Variants in CFAP46 observed in about 807,000 individuals in gnomAD.
The protein encoded by CFAP46 is cilia and flagella associated protein 46, also known as cilia- and flagella-associated protein 46.
A neutral mutation model predicts 325.7 loss-of-function variants in CFAP46; 245 were observed. The observed-to-expected ratio is 0.75, with a 90% CI of 0.68 to 0.84. The LOEUF (loss-of-function observed/expected upper bound fraction) is 0.84, where lower values mean the gene tolerates loss of function less well. Among genes scored for constraint, CFAP46 ranks in the 40% least tolerant of loss-of-function variants. The probability of loss-of-function intolerance (pLI) is 0.00; values close to 1 mark genes in which losing one functional copy is unlikely to be tolerated. For missense variants in CFAP46, 3,346 were observed against 3,543.0 expected, an observed-to-expected ratio of 0.94 and a Z score of 1.41; for synonymous variants, 1,523 against 1,495.9, an observed-to-expected ratio of 1.02 and a Z score of -0.42.
rs1255166861 is a variant in CFAP46, at chr10:132,877,713, G to A, written c.4212+168C>T. On this transcript the variant is annotated intron_variant, in intron 30 of 57. Coordinates refer to ENST00000368586, the MANE Select transcript of CFAP46 (RefSeq NM_001200049.3). The surrounding 1 kb of genome is among the most constrained non-coding windows in gnomAD (Gnocchi z 5.7). ...AGCCTCTGCACTGAGGCCACCTGGG[G>A]CTCCTCCGAGAACCCTGACAGGCAG... is the stretch of plus-strand genomic sequence containing the variant. 6.6e-6 allele frequency among the ~76,000 whole-genome samples: 1 copy of A among 151,280 alleles called. No individual in the cohort carries two copies. The highest frequency in any genetic ancestry group is 2.1e-4 in the South Asian group (1 of 4,750).
intron 38 of CFAP46, 53 bp downstream of exon 38, chr10:132,859,018 T>C: frequency 1.3e-6 from 2 of 1,512,892 alleles, no homozygotes; most frequent in Non-Finnish European, 1.8e-6. Context: ...CTGGGCGTGT[T>C]GTGTGTAAGA....
chr10:132,809,775 G>A (rs570688336), intron 57 of CFAP46, among the ~76,000 whole-genome samples: 2 of 152,294 alleles, frequency 1.3e-5, no homozygotes, highest in Admixed American at 6.5e-5. Flanking sequence ...GTGGGGTTCC[G>A]TCTGTCCGTG....
At chr10:132,831,039 G>GT (rs1486141203) in intron 50 of CFAP46, among the ~76,000 whole-genome samples, 1 of 151,870 alleles carries the variant, frequency 6.6e-6, no homozygotes, top group Non-Finnish European at 1.5e-5. Context: ...TCTTTTATCC[G>GT]TGGGTATTTA....
rs1344439240 is a variant in CFAP46, at chr10:132,814,720, AG to A, written c.7214del (p.Pro2405LeufsTer5). On this transcript the variant is annotated frameshift_variant, in exon 52 of 58. Coordinates refer to ENST00000368586, the MANE Select transcript of CFAP46 (RefSeq NM_001200049.3). LOFTEE classifies it high-confidence loss of function. ...TGTCTGAGTCGACTATGATGCAGTC[AG>A]GGGGGATGGTCCGGGGGATGCTGCC... is the stretch of plus-strand genomic sequence containing the variant. Reference protein sequence around the residue: ...RKGSIPRTIPPDCIIVDSDNF... With the variant: ...RKGSIPRTIPXDCIIVDSDNF... 15 of 1,612,826 alleles carry A rather than the reference AG, an allele frequency of 9.3e-6. No homozygotes were observed. In the Middle Eastern group the frequency reaches 8.3e-4, roughly 89 times the overall value.
chr10:132,810,930 CG>C lies in CFAP46; in HGVS notation c.7583+19del. ...TCCATCCTCAGCATCCCTGCCCACC[CG>C]TTCCAGGCAGCCAGGCACCTCCTGT... On this transcript the variant is annotated intron_variant, in intron 56 of 57. Transcript: ENST00000368586. 6.4e-7 allele frequency: 1 copy of C among 1,573,348 alleles called. No homozygotes were observed. Among genetic ancestry groups the C allele is most frequent in the African/African-American group, 1.3e-5 (1 of 74,200 alleles).
intron 25 of CFAP46, among the ~76,000 whole-genome samples, chr10:132,891,600 G>A (rs1849254984): frequency 6.6e-6 from 1 of 152,228 alleles, no homozygotes; most frequent in Non-Finnish European, 1.5e-5. Flanking sequence ...AAATCCACAT[G>A]CTGTGGAGAA....
intron 9 of CFAP46, chr10:132,929,195 T>G (rs2135671354): frequency 2.7e-6 from 1 of 371,656 alleles, no homozygotes; most frequent in East Asian, 4.2e-5. Context: ...TTAGGCACAA[T>G]AAGATATTTA....
intron 17 of CFAP46, among the ~76,000 whole-genome samples, chr10:132,913,933 G>T (rs1849598574): frequency 6.6e-6 from 1 of 151,698 alleles, no homozygotes; most frequent in Admixed American, 6.6e-5. Context: ...CATCCTCCCT[G>T]GACACCTCCA....
chr10:132,901,697 C>A (rs939792563), intron 22 of CFAP46, among the ~76,000 whole-genome samples: 8 of 152,176 alleles, frequency 5.3e-5, no homozygotes, highest in Non-Finnish European at 1.2e-4. Flanking sequence ...GGAAAAAAGT[C>A]TTTTATGTTT....
At chr10:132,894,771 T>G (rs901034797) in intron 24 of CFAP46, among the ~76,000 whole-genome samples, 6 of 151,866 alleles carry the variant, frequency 4.0e-5, no homozygotes, top group East Asian at 1.9e-4. Context: ...CAGGAAGAAA[T>G]AGAAAATCTC....
chr10:132,817,893 G>A lies in CFAP46; in HGVS notation c.7118-2979C>T, dbSNP rs1182918108. Among the ~76,000 whole-genome samples the A allele has an allele frequency of 1.3e-5, 2 of 152,254 alleles. No individual in the cohort carries two copies. The highest frequency in any genetic ancestry group is 2.4e-5 in the African/African-American group (1 of 41,472). On this transcript the variant is annotated intron_variant, in intron 50 of 57. Coordinates refer to ENST00000368586, the MANE Select transcript of CFAP46 (RefSeq NM_001200049.3). This position sits in a 1 kb window ranked among gnomAD's most constrained non-coding sequence, Gnocchi z 4.4. ...AACGGCGTCGGCCGCGCTCTGCCTGGAGGCTCCCGGGGAGAATCCTCTCCT... is the reference window on the plus strand; with the variant it reads ...AACGGCGTCGGCCGCGCTCTGCCTGAAGGCTCCCGGGGAGAATCCTCTCCT...
chr10:132,835,626 G>C (rs1848228222), intron 46 of CFAP46, among the ~76,000 whole-genome samples, 192 bp from the exon 47 acceptor site: 1 of 152,120 alleles, frequency 6.6e-6, no homozygotes, highest in South Asian at 2.1e-4. Flanking sequence ...GCAGGCAGCG[G>C]ATGGGCCTCC....
rs781113288 is a variant in CFAP46 at position 132,850,354 on chromosome 10, A to G, written c.5842T>C (p.Cys1948Arg). 56 of 1,562,698 alleles carry G rather than the reference A, an allele frequency of 3.6e-5. No homozygotes were observed. The highest frequency in any genetic ancestry group is 4.0e-5 in the Non-Finnish European group (46 of 1,153,456). ...AGGAGCCGGGCGCGGATCTCCACAC[A>G]GCCCACGCTCAGCGGCTGCAGGCTC... Reference protein sequence around the residue: ...LGSLQPLSVGCVEIRARLLGL... With the variant: ...LGSLQPLSVGRVEIRARLLGL... Residue 1948 changes from cysteine to arginine, a missense_variant, in exon 41 of 58, where the codon TGT becomes CGT. Transcript: ENST00000368586.
chr10:132,818,955 C>T (rs948125908), intron 50 of CFAP46, among the ~76,000 whole-genome samples: 2 of 151,184 alleles, frequency 1.3e-5, no homozygotes, highest in Non-Finnish European at 2.9e-5. Flanking sequence ...ATATACAAGA[C>T]CTCAAAGACT....
Position 132,846,979 on chromosome 10 carries a change from C to T in CFAP46, c.6220G>A (p.Gly2074Ser), listed in dbSNP as rs147416274. ...AASLEMVECV[G>S]TLDPATTCQF... ...CAGGTAGTTGCAGGGTCCAGGGTGC[C>T]GACACACTCCACCATCTCCAGGCTG... is the stretch of plus-strand genomic sequence containing the variant. The change falls in exon 43 of 58, where the codon GGC becomes AGC. Residue 2074 changes from glycine (G) to serine (S), a missense_variant. By Grantham distance (56) the Gly-to-Ser change is moderately conservative. Coordinates refer to ENST00000368586, the MANE Select transcript of CFAP46 (RefSeq NM_001200049.3). 271 of 1,610,754 alleles carry T rather than the reference C, an allele frequency of 1.7e-4. 1 individual carries two copies. Among genetic ancestry groups the T allele is most frequent in the Non-Finnish European group, 2.2e-4 (256 of 1,179,728 alleles).
chr10:132,929,154 G>T (rs1432251692), intron 9 of CFAP46: 1 of 277,148 alleles, frequency 3.6e-6, no homozygotes, highest in African/African-American at 2.2e-5. Flanking sequence ...TTTCTAGACG[G>T]AAATCCCTAC....
At position 132,808,797 on chromosome 10, in the gene CFAP46, C is replaced by G. The variant is rs151009069; in HGVS notation, c.7772G>C (p.Arg2591Pro). 27 of 1,604,710 alleles carry G rather than the reference C, an allele frequency of 1.7e-5. No homozygotes were observed. The highest frequency in any genetic ancestry group is 2.0e-5 in the Non-Finnish European group (23 of 1,176,168). ...GPVWAAAPSHRVVQAWTCLPS... is the reference protein window; with the variant it reads ...GPVWAAAPSHPVVQAWTCLPS... ...GAGGCAGGTCCAGGCCTGCACTACCCGATGGCTTGGTGCGGCAGCCCATAC... is the reference window on the plus strand; with the variant it reads ...GAGGCAGGTCCAGGCCTGCACTACCGGATGGCTTGGTGCGGCAGCCCATAC... The change falls in exon 58 of 58, where the codon CGG (arginine) becomes CCG (proline). Residue 2591 changes from arginine (R) to proline (P), a missense_variant. Coordinates refer to ENST00000368586, the MANE Select transcript of CFAP46 (RefSeq NM_001200049.3). The surrounding 1 kb of genome is among the most constrained non-coding windows in gnomAD (Gnocchi z 6.8).
rs1164881337 is a variant in CFAP46, at chr10:132,864,581, C to A, written c.4890+1444G>T. Among the ~76,000 whole-genome samples, 64 of 100,730 alleles carry A rather than the reference C, an allele frequency of 6.4e-4. 2 individuals carry two copies. Among genetic ancestry groups the A allele is most frequent in the Middle Eastern group, 8.1e-3 (1 of 124 alleles). 66.1% of individuals were successfully genotyped at this position (100,730 alleles called of 152,430 possible). On this transcript the variant is annotated intron_variant, in intron 35 of 57. Transcript: ENST00000368586. ...CTGAGACCTGCAAACATCTGTCCCC[C>A]TGCCTGAGACCTGCACACACCTGCC...
Position 132,869,026 on chromosome 10 carries a change from G to A in CFAP46, c.4610+248C>T, listed in dbSNP as rs1467027046. The stretch of plus-strand genomic sequence containing the variant: ...CCGGCAGCCAGCCTTTCTGTCCTCC[G>A]GGGAGGGGCTCGGGCCACCCTGGAG... On this transcript the variant is annotated intron_variant, in intron 33 of 57. Coordinates refer to ENST00000368586, the MANE Select transcript of CFAP46 (RefSeq NM_001200049.3). The surrounding 1 kb of genome is among the most constrained non-coding windows in gnomAD (Gnocchi z 6.2). 1.3e-5 allele frequency among the ~76,000 whole-genome samples: 2 copies of A among 152,198 alleles called. No homozygotes were observed. The highest frequency in any genetic ancestry group is 6.5e-5 in the Admixed American group (1 of 15,290).
Sources: allele counts gnomAD v4.1 joint callset (sites outside exome capture counted in the v4.1 genomes callset), GRCh38; gene constraint gnomAD v4.1.1; non-coding constraint Gnocchi (gnomAD v3.1); transcripts MANE v1.5; gene names NCBI Gene and HGNC (gene_info 2026-07-23, HGNC 2026-07-21).